NFATC2: variants seen among roughly 807,000 people sequenced by gnomAD.
NFATC2 encodes the protein nuclear factor of activated T cells 2.
A neutral mutation model predicts 87.3 loss-of-function variants in NFATC2; 22 were observed. That is an observed-to-expected ratio of 0.25 (90% CI 0.18 to 0.36). NFATC2 has a LOEUF of 0.36. Among genes scored for constraint, NFATC2 ranks in the 10% least tolerant of loss-of-function variants. NFATC2 has a pLI of 1.00. For missense variants in NFATC2, 1,149 were observed against 1,259.1 expected (o/e 0.91, Z 1.32); for synonymous variants, 565 against 542.2 (o/e 1.04, Z -0.58).
chr20:51,396,895 C>A (rs766461688), intron 10 of NFATC2, among the ~76,000 whole-genome samples: 9 of 152,074 alleles, frequency 5.9e-5, no homozygotes, highest in African/African-American at 2.2e-4. Context: ...CCTAAGCAAC[C>A]GGGCCTGCTG....
chr20:51,398,791 TTACGCTTCC>T, intron 9 of NFATC2, 61 bp from the exon 10 acceptor site: 1 of 1,169,154 alleles, frequency 8.6e-7, no homozygotes, highest in Non-Finnish European at 1.3e-6. Context: ...TTGATCTCTC[TTACGCTTCC>T]AACTCATGCC....
intron 4 of NFATC2, 49 bp downstream of exon 4, chr20:51,475,409 C>T (rs1295079350): frequency 4.8e-5 from 77 of 1,596,626 alleles, no homozygotes; most frequent in African/African-American, 1.5e-4. Flanking sequence ...CACCTGCCCC[C>T]TGCTCGCTTC....
At chr20:51,460,532 T>C (rs1471700968) in intron 5 of NFATC2, among the ~76,000 whole-genome samples, 1 of 152,008 alleles carries the variant, frequency 6.6e-6, no homozygotes, top group Non-Finnish European at 1.5e-5. Context: ...TGTTGTCTTA[T>C]ATATTTTAGC....
intron 9 of NFATC2, among the ~76,000 whole-genome samples, chr20:51,416,519 A>T (rs1295580491): frequency 1.3e-5 from 2 of 152,198 alleles, no homozygotes; most frequent in Non-Finnish European, 2.9e-5. Flanking sequence ...GGCCCGTTCA[A>T]ATCTGGGAGA....
chr20:51,473,918 C>T (rs1212062034), intron 5 of NFATC2, 62 bp downstream of exon 5: 9 of 1,565,534 alleles, frequency 5.7e-6, no homozygotes, highest in Admixed American at 3.6e-5. Flanking sequence ...ACACTGCTCC[C>T]GGGGGAAGCC....
At chr20:51,403,556 C>G (rs1988268177) in intron 9 of NFATC2, among the ~76,000 whole-genome samples, 1 of 152,192 alleles carries the variant, frequency 6.6e-6, no homozygotes, top group African/African-American at 2.4e-5. Flanking sequence ...TATTGAAGCC[C>G]TAAACCACTC....
chr20:51,415,741 A>G (rs778406478), intron 9 of NFATC2, among the ~76,000 whole-genome samples: 16 of 152,218 alleles, frequency 1.1e-4, no homozygotes, highest in Non-Finnish European at 1.9e-4. Flanking sequence ...ATGCCCACCA[A>G]TAATGACTGA....
At chr20:51,454,297 A>G (rs1214131751) in intron 6 of NFATC2, among the ~76,000 whole-genome samples, 2 of 152,228 alleles carry the variant, frequency 1.3e-5, no homozygotes, top group East Asian at 1.9e-4. Context: ...TTTTAAAAAA[A>G]GGATTGAGGG....
chr20:51,558,611 G>C (rs2076997927), intron 1 of NFATC2, among the ~76,000 whole-genome samples: 1 of 152,046 alleles, frequency 6.6e-6, no homozygotes, highest in Admixed American at 6.6e-5. Flanking sequence ...TAGATTATTT[G>C]CTGTTTCCCC....
In NFATC2 at chr20:51,474,119, G is replaced by A. The variant is rs776151520; in HGVS notation, c.1569C>T (p.Asn523=). 97 of 1,614,070 alleles carry A rather than the reference G, an allele frequency of 6.0e-5. 1 individual carries two copies. Among genetic ancestry groups the A allele is most frequent in the South Asian group, 2.2e-4 (20 of 91,082 alleles). The change falls in exon 5 of 11, where the codon AAC becomes AAT. Residue 523 remains asparagine (N), a synonymous_variant. Coordinates refer to ENST00000371564, the MANE Select transcript of NFATC2 (RefSeq NM_012340.5). ...CGCCTTTCCGCAGCTCAATGTCGGC[G>A]TTTCTAAGCTTCAAGATCCCCGCAC... ...IDCAGILKLR[N]ADIELRKGET... is the part of the protein sequence containing the mutation.
rs1253720257 is a variant in NFATC2 at position 51,524,130 on chromosome 20, G to A, written c.131-20C>T. On this transcript the variant is annotated intron_variant, in intron 1 of 10. Coordinates refer to ENST00000371564, the MANE Select transcript of NFATC2 (RefSeq NM_012340.5). This position sits in a 1 kb window ranked among gnomAD's most constrained non-coding sequence, Gnocchi z 4.0. ...GCTCTTCTGGAAAGAGAAGGGGGAAGGGGGTTCTTTTTAAGCCTCAAAAAC... is the reference window on the plus strand; with the variant it reads ...GCTCTTCTGGAAAGAGAAGGGGGAAAGGGGTTCTTTTTAAGCCTCAAAAAC... 1 of 1,440,328 alleles carries A rather than the reference G, an allele frequency of 6.9e-7. No homozygotes were observed. The highest frequency in any genetic ancestry group is 2.8e-5 in the Admixed American group (1 of 35,384). The allele number at this position is 1,440,328 out of a possible 1,614,324, so 89.2% of individuals were successfully genotyped here. A position where few individuals can be genotyped will look rare whatever the true frequency, so the allele number is the denominator to read the frequency against.
chr20:51,498,607 C>T (rs553532799), intron 3 of NFATC2, among the ~76,000 whole-genome samples: 1 of 151,996 alleles, frequency 6.6e-6, no homozygotes, highest in Admixed American at 6.6e-5. Context: ...GCCAACATGG[C>T]GAAACCCCAT....
At chr20:51,423,339 A>T (rs910587886) in intron 9 of NFATC2, among the ~76,000 whole-genome samples, 1 of 149,604 alleles carries the variant, frequency 6.7e-6, no homozygotes, top group African/African-American at 2.5e-5. Flanking sequence ...TTGTGGCTGG[A>T]ATCAGGGAAA....
At chr20:51,553,126 C>G (rs895073675) in intron 1 of NFATC2, among the ~76,000 whole-genome samples, 13 of 152,134 alleles carry the variant, frequency 8.5e-5, no homozygotes, top group African/African-American at 2.7e-4. Flanking sequence ...CCTACATTCC[C>G]GTATGGACCA....
At chr20:51,468,071 C>T (rs529898272) in intron 5 of NFATC2, among the ~76,000 whole-genome samples, 177 of 152,290 alleles carry the variant, frequency 1.2e-3, no homozygotes, top group Non-Finnish European at 2.0e-3. Context: ...GAAGGGTACA[C>T]ACTGTATTAA....
At chr20:51,501,602 C>T (rs555454132) in intron 3 of NFATC2, among the ~76,000 whole-genome samples, 1 of 152,326 alleles carries the variant, frequency 6.6e-6, no homozygotes, top group Admixed American at 6.5e-5. Flanking sequence ...AACGGCACCC[C>T]TTCAGGAAGT....
In NFATC2 at chr20:51,542,009, G is replaced by A. The variant is rs530491307; in HGVS notation, c.130+361C>T. On this transcript the variant is annotated intron_variant, in intron 1 of 10. Coordinates refer to ENST00000371564, the MANE Select transcript of NFATC2 (RefSeq NM_012340.5). Reference sequence around the variant, plus strand: ...GCTTCCTCACCTCCTCCCTCCAAAGGCACAGAAATCATGTCCCTTGCCCTT... The same window carrying A: ...GCTTCCTCACCTCCTCCCTCCAAAGACACAGAAATCATGTCCCTTGCCCTT... Among the ~76,000 whole-genome samples, 5 of 152,194 alleles carry A rather than the reference G, an allele frequency of 3.3e-5. No homozygotes were observed. The East Asian group carries it at 9.7e-4, about 29-fold the overall frequency.
intron 3 of NFATC2, among the ~76,000 whole-genome samples, chr20:51,506,608 C>T (rs1049565350): frequency 7.3e-5 from 11 of 150,628 alleles, no homozygotes; most frequent in African/African-American, 2.7e-4. Context: ...TTAGAAAATG[C>T]TCAATGTTCA....
At chr20:51,499,277 A>T (rs1298694996) in intron 3 of NFATC2, among the ~76,000 whole-genome samples, 1 of 152,090 alleles carries the variant, frequency 6.6e-6, no homozygotes, top group Non-Finnish European at 1.5e-5. Flanking sequence ...CCCAGACAAG[A>T]GATGATGCTA....
Sources: allele counts gnomAD v4.1 joint callset (sites outside exome capture counted in the v4.1 genomes callset), GRCh38; gene constraint gnomAD v4.1.1; non-coding constraint Gnocchi (gnomAD v3.1); transcripts MANE v1.5; gene names NCBI Gene and HGNC (gene_info 2026-07-23, HGNC 2026-07-21).